The following DGLUCY variants were observed in gnomAD, a reference collection of about 807,000 sequenced individuals.
The protein encoded by DGLUCY is D-glutamate cyclase, mitochondrial.
A neutral mutation model predicts 58.5 loss-of-function variants in DGLUCY; 58 were observed. The ratio of observed to expected loss-of-function variants is 0.99; its 90% confidence interval spans 0.80 to 1.23. The LOEUF is 1.23. DGLUCY is among the 50% of genes most tolerant of loss of function. DGLUCY has a pLI of 0.00. For synonymous variants in DGLUCY, 325 were observed against 314.1 expected (o/e 1.03, Z -0.37); for missense variants, 779 against 784.7 (o/e 0.99, Z 0.09).
chr14:91,117,662 TAC>T (rs1026832294), intron 1 of DGLUCY, among the ~76,000 whole-genome samples: 26 of 74,216 alleles, frequency 3.5e-4, no homozygotes, highest in Non-Finnish European at 5.1e-4. Flanking sequence ...CACACACACA[TAC>T]ACACACACAC....
chr14:91,192,383 G>A (rs2049952701), intron 9 of DGLUCY, among the ~76,000 whole-genome samples: 1 of 152,156 alleles, frequency 6.6e-6, no homozygotes, highest in African/African-American at 2.4e-5. Flanking sequence ...CAGGGGTTCA[G>A]TTTGGGGTGA....
chr14:91,066,659 T>G (rs1293589034), intron 1 of DGLUCY, among the ~76,000 whole-genome samples: 2 of 151,998 alleles, frequency 1.3e-5, no homozygotes, highest in Non-Finnish European at 2.9e-5. Flanking sequence ...CCACTATCAC[T>G]TGCCATAAAC....
intron 13 of DGLUCY, among the ~76,000 whole-genome samples, chr14:91,221,831 C>T (rs1887566022): frequency 1.3e-5 from 2 of 152,116 alleles, no homozygotes; most frequent in African/African-American, 4.8e-5. Context: ...TAAGTATACA[C>T]CCTTGCAACC....
chr14:91,171,082 T>C (rs7157538), intron 5 of DGLUCY, among the ~76,000 whole-genome samples: 18,969 of 152,078 alleles, frequency 0.12, 2,468 homozygotes, highest in African/African-American at 0.33. Context: ...CAGGCACCCA[T>C]GGCAGTCTCT....
At chr14:91,178,835 A>T (rs2049003004) in intron 7 of DGLUCY, among the ~76,000 whole-genome samples, 1 of 151,822 alleles carries the variant, frequency 6.6e-6, no homozygotes, top group Non-Finnish European at 1.5e-5. Flanking sequence ...GTTCAAGACC[A>T]TCTTGGCCAA....
chr14:91,071,085 T>A (rs2043907585), intron 1 of DGLUCY, among the ~76,000 whole-genome samples: 2 of 151,626 alleles, frequency 1.3e-5, no homozygotes, highest in East Asian at 3.9e-4. Context: ...ATAATCCCAG[T>A]ACTTTGGGAG....
chr14:91,093,445 A>T (rs1289782719), intron 1 of DGLUCY, among the ~76,000 whole-genome samples: 2 of 152,202 alleles, frequency 1.3e-5, no homozygotes, highest in East Asian at 3.9e-4. Context: ...AGCTATAAAA[A>T]GGAATTGAAG....
At chr14:91,221,625 C>A (rs1193786031) in intron 13 of DGLUCY, among the ~76,000 whole-genome samples, 1 of 151,890 alleles carries the variant, frequency 6.6e-6, no homozygotes, top group African/African-American at 2.4e-5. Context: ...GATGGGTGAG[C>A]AGATGGAAGG....
In DGLUCY at chr14:91,215,571, C is replaced by A. The variant is rs778304708; in HGVS notation, c.1716+15C>A. ...CGGTCATTAAGGTAACAAACCCCAG[C>A]CAGCCGCTCGCCTGGAAGCAGCTTT... On this transcript the variant is annotated intron_variant, in intron 13 of 13. Transcript: ENST00000256324. 4 of 1,613,578 alleles carry A rather than the reference C, an allele frequency of 2.5e-6. No individual in the cohort carries two copies. The highest frequency in any genetic ancestry group is 2.2e-5 in the East Asian group (1 of 44,862).
intron 7 of DGLUCY, 34 bp from the exon 8 acceptor site, chr14:91,181,152 G>T (rs745572447): frequency 5.6e-6 from 9 of 1,599,840 alleles, no homozygotes; most frequent in Non-Finnish European, 6.0e-6. Context: ...TTGATGAAGT[G>T]GCTGGGCTCA....
intron 4 of DGLUCY, among the ~76,000 whole-genome samples, 168 bp from the exon 5 acceptor site, chr14:91,169,835 G>T (rs2048472878): frequency 6.6e-6 from 1 of 152,092 alleles, no homozygotes; most frequent in African/African-American, 2.4e-5. Flanking sequence ...GACATTTGAA[G>T]GATGCCAGCA....
At chr14:91,195,853 G>A (rs377044191) in intron 9 of DGLUCY, among the ~76,000 whole-genome samples, 2 of 151,890 alleles carry the variant, frequency 1.3e-5, no homozygotes, top group African/African-American at 2.4e-5. Context: ...TGTATTTTTA[G>A]TGGAGACAGG....
At chr14:91,184,083 G>C (rs562439167) in intron 8 of DGLUCY, among the ~76,000 whole-genome samples, 2 of 151,974 alleles carry the variant, frequency 1.3e-5, no homozygotes, top group African/African-American at 4.8e-5. Context: ...AATGGTGGCC[G>C]ACCTCCGTGG....
intron 7 of DGLUCY, among the ~76,000 whole-genome samples, chr14:91,179,068 T>C (rs2140442810): frequency 6.6e-6 from 1 of 152,242 alleles, no homozygotes; most frequent in Admixed American, 6.5e-5. Flanking sequence ...CCAAGATTTA[T>C]TTACTCAATT....
At chr14:91,136,375 C>G (rs12885263) in intron 1 of DGLUCY, among the ~76,000 whole-genome samples, 90,304 of 151,910 alleles carry the variant, frequency 0.59, 27,469 homozygotes, top group East Asian at 0.92. Context: ...TTATGTGACA[C>G]GAGAGCCTTT....
chr14:91,136,565 T>G (rs2046348323), intron 1 of DGLUCY, among the ~76,000 whole-genome samples: 1 of 151,600 alleles, frequency 6.6e-6, no homozygotes, highest in African/African-American at 2.4e-5. Context: ...GAGCCTGTAA[T>G]CCCAGCCACT....
At chr14:91,136,814 A>C (rs1245926136) in intron 1 of DGLUCY, among the ~76,000 whole-genome samples, 2 of 151,700 alleles carry the variant, frequency 1.3e-5, no homozygotes, top group African/African-American at 4.9e-5. Flanking sequence ...AACTAAAAAT[A>C]CAAAATTAGT....
chr14:91,060,562 A>G, exon 1 of DGLUCY: 1 of 1,151,476 alleles, frequency 8.7e-7, no homozygotes, highest in Non-Finnish European at 1.1e-6. Flanking sequence ...ACTCGGACGC[A>G]AAGACGAGTC....
At chr14:91,140,602 C>T (rs1185811413) in intron 1 of DGLUCY, among the ~76,000 whole-genome samples, 2 of 152,106 alleles carry the variant, frequency 1.3e-5, no homozygotes, top group African/African-American at 2.4e-5. Context: ...ACCTGGGAGG[C>T]GGAGGTTGGA....
Sources: gnomAD v4.1 joint callset for allele counts (sites outside exome capture counted in the v4.1 genomes callset) on GRCh38, gnomAD v4.1.1 for gene constraint, MANE v1.5 for transcripts, NCBI Gene and HGNC (gene_info 2026-07-23, HGNC 2026-07-21) for gene names.